The following AKAP7 variants were observed in gnomAD, a reference collection of about 807,000 sequenced individuals.
The protein encoded by AKAP7 is A kinase (PRKA) anchor protein 7.
In AKAP7, 39 loss-of-function variants were observed where a neutral mutation model predicts 39.5. That is an observed-to-expected ratio of 0.99 (90% CI 0.76 to 1.29). AKAP7 has a LOEUF of 1.29. AKAP7 is among the 50% of genes most tolerant of loss of function. The pLI is 0.00. For synonymous variants in AKAP7, 140 were observed against 139.1 expected, an observed-to-expected ratio of 1.01 and a Z score of -0.05; for missense variants, 414 against 407.7, an observed-to-expected ratio of 1.02 and a Z score of -0.13.
chr6:131,218,916 A>G (rs2128297061), intron 6 of AKAP7, among the ~76,000 whole-genome samples: 1 of 152,264 alleles, frequency 6.6e-6, no homozygotes, highest in African/African-American at 2.4e-5. Flanking sequence ...AAATGTTAAG[A>G]TCCAACTTAC....
chr6:131,182,042 C>T (rs898526309), intron 5 of AKAP7, among the ~76,000 whole-genome samples: 1 of 151,718 alleles, frequency 6.6e-6, no homozygotes, highest in African/African-American at 2.4e-5. Context: ...AGGGGAATCG[C>T]ATGAACCCAA....
At chr6:131,203,946 G>T (rs1807855150) in intron 6 of AKAP7, among the ~76,000 whole-genome samples, 1 of 152,040 alleles carries the variant, frequency 6.6e-6, no homozygotes, top group African/African-American at 2.4e-5. Context: ...AGAGCAGAGG[G>T]TATTAGACAT....
intron 7 of AKAP7, among the ~76,000 whole-genome samples, chr6:131,225,893 G>C (rs1462461559): frequency 1.3e-5 from 2 of 152,182 alleles, no homozygotes; most frequent in Admixed American, 1.3e-4. Flanking sequence ...GTGTGACTCA[G>C]AAATCACTGA....
chr6:131,179,809 C>T (rs1414133023), intron 5 of AKAP7, among the ~76,000 whole-genome samples: 1 of 151,956 alleles, frequency 6.6e-6, no homozygotes, highest in African/African-American at 2.4e-5. Flanking sequence ...GGCGAGGCTG[C>T]AGCGAGCTGT....
At chr6:131,198,700 A>G (rs967633749) in intron 5 of AKAP7, among the ~76,000 whole-genome samples, 1 of 152,114 alleles carries the variant, frequency 6.6e-6, no homozygotes, top group Non-Finnish European at 1.5e-5. Flanking sequence ...GGCCTTGGAC[A>G]CTCAAGGATA....
chr6:131,247,301 ATATATATATATATG>A (rs1812097830), intron 7 of AKAP7, among the ~76,000 whole-genome samples: 1 of 52,988 alleles, frequency 1.9e-5, no homozygotes, highest in Non-Finnish European at 4.3e-5. Context: ...ATATATATAT[ATATATATATATATG>A]TTTTTTTTTT....
At chr6:131,175,054 A>C (rs1326757853) in intron 5 of AKAP7, among the ~76,000 whole-genome samples, 2 of 152,244 alleles carry the variant, frequency 1.3e-5, no homozygotes, top group African/African-American at 4.8e-5. Flanking sequence ...TTATTAATAT[A>C]TACTATATTC....
intron 7 of AKAP7, among the ~76,000 whole-genome samples, chr6:131,223,318 A>G (rs967065259): frequency 1.1e-4 from 17 of 152,338 alleles, no homozygotes; most frequent in South Asian, 4.1e-4. Context: ...AAGAACACCT[A>G]TGGATGTATA....
At chr6:131,210,263 C>T (rs1808521825) in intron 6 of AKAP7, among the ~76,000 whole-genome samples, 1 of 152,212 alleles carries the variant, frequency 6.6e-6, no homozygotes, top group South Asian at 2.1e-4. Context: ...AATACTGGTT[C>T]TTCAAAATAC....
intron 7 of AKAP7, among the ~76,000 whole-genome samples, chr6:131,263,315 C>T (rs906205503): frequency 1.3e-5 from 2 of 152,170 alleles, no homozygotes; most frequent in African/African-American, 4.8e-5. Context: ...CTTCCAGAAG[C>T]TTCTGTGTCG....
chr6:131,129,290 A>AAC, the AKAP7 span, among the ~76,000 whole-genome samples: 1 of 151,850 alleles, frequency 6.6e-6, no homozygotes, highest in Non-Finnish European at 1.5e-5. Flanking sequence ...CTGTCAAAAA[A>AAC]AAAAAAAAAT....
chr6:131,148,563 T>A (rs1295788419), intron 2 of AKAP7, among the ~76,000 whole-genome samples: 1 of 151,916 alleles, frequency 6.6e-6, no homozygotes, highest in Non-Finnish European at 1.5e-5. Context: ...AACGAATAAA[T>A]GTTATTTATA....
intron 7 of AKAP7, among the ~76,000 whole-genome samples, chr6:131,261,766 G>A (rs535115913): frequency 5.9e-5 from 9 of 152,188 alleles, no homozygotes; most frequent in Non-Finnish European, 1.2e-4. Flanking sequence ...GTCTTAGTCC[G>A]CTGTAAATAA....
intron 2 of AKAP7, among the ~76,000 whole-genome samples, chr6:131,150,320 T>TA (rs1801815371): frequency 6.6e-6 from 1 of 152,198 alleles, no homozygotes; most frequent in South Asian, 2.1e-4. Flanking sequence ...AACAAGTTGT[T>TA]ACATTTAAAA....
chr6:131,230,214 A>G (rs1408241214), intron 7 of AKAP7, among the ~76,000 whole-genome samples: 1 of 152,202 alleles, frequency 6.6e-6, no homozygotes, highest in Non-Finnish European at 1.5e-5. Flanking sequence ...TTCTCACCAA[A>G]AGTATGTAAG....
At chr6:131,226,723 T>G (rs1388625760) in intron 7 of AKAP7, among the ~76,000 whole-genome samples, 3 of 152,216 alleles carry the variant, frequency 2.0e-5, no homozygotes, top group Admixed American at 1.3e-4. Context: ...CAGACATATC[T>G]TACAGGAGGC....
intron 7 of AKAP7, among the ~76,000 whole-genome samples, chr6:131,253,643 A>C (rs1272941770): frequency 2.0e-5 from 3 of 150,010 alleles, no homozygotes; most frequent in Non-Finnish European, 4.4e-5. Context: ...ATTCCACTCT[A>C]TCTCCATGAG....
chr6:131,234,314 A>G (rs1562233065), intron 7 of AKAP7, among the ~76,000 whole-genome samples: 2 of 152,218 alleles, frequency 1.3e-5, no homozygotes. Context: ...TTTACTTTGT[A>G]GTGGGAAGTC....
chr6:131,281,295 T>C lies in AKAP7; in HGVS notation c.851-235T>C, dbSNP rs1562263347. Among the ~76,000 whole-genome samples, 1 of 152,218 alleles carries C rather than the reference T, an allele frequency of 6.6e-6. No individual in the cohort carries two copies. The highest frequency in any genetic ancestry group is 1.5e-5 in the Non-Finnish European group (1 of 68,044). Reference sequence around the variant, plus strand: ...ATAAATGGGAAACATCCGGCATTGGTAGGTAGAGCTTGTCTAGATTGGGAC... The same window carrying C: ...ATAAATGGGAAACATCCGGCATTGGCAGGTAGAGCTTGTCTAGATTGGGAC... On this transcript the variant is annotated intron_variant, in intron 7 of 7. Transcript: ENST00000431975. This position sits in a 1 kb window ranked among gnomAD's most constrained non-coding sequence, Gnocchi z 4.0.
Sources: allele counts gnomAD v4.1 joint callset (sites outside exome capture counted in the v4.1 genomes callset), GRCh38; gene constraint gnomAD v4.1.1; non-coding constraint Gnocchi (gnomAD v3.1); transcripts MANE v1.5; gene names NCBI Gene and HGNC (gene_info 2026-07-23, HGNC 2026-07-21).